Variants in MALRD1 observed in about 807,000 individuals in gnomAD.
MALRD1 encodes the protein MAM and LDL receptor class A domain containing 1.
Under a neutral mutation model 242.1 loss-of-function variants are expected in MALRD1, and 247 were observed. That is an observed-to-expected ratio of 1.02 (90% CI 0.92 to 1.13). MALRD1 has a LOEUF of 1.13. MALRD1 is among the 50% of genes most tolerant of loss of function. The pLI is 0.00. For synonymous variants in MALRD1, 995 were observed against 866.6 expected (o/e 1.15, Z -2.60); for missense variants, 2,989 against 2,533.1 (o/e 1.18, Z -3.86).
At chr10:19,211,327 T>A (rs1450916052) in intron 18 of MALRD1, among the ~76,000 whole-genome samples, 1 of 151,904 alleles carries the variant, frequency 6.6e-6, no homozygotes, top group East Asian at 1.9e-4. Flanking sequence ...TCTAAAAAAA[T>A]AATAATAATA....
intron 36 of MALRD1, among the ~76,000 whole-genome samples, chr10:19,625,340 C>T (rs1388663737): frequency 3.3e-5 from 5 of 151,866 alleles, no homozygotes; most frequent in Admixed American, 3.3e-4. Context: ...ACACACTGTG[C>T]AGTTTTGTTC....
chr10:19,094,667 C>T (rs1835955071), intron 4 of MALRD1, among the ~76,000 whole-genome samples: 2 of 152,162 alleles, frequency 1.3e-5, no homozygotes, highest in Admixed American at 6.5e-5. Context: ...TTTTCTCATG[C>T]TTTTGAGAAA....
chr10:19,240,671 A>T (rs555737954), intron 18 of MALRD1, among the ~76,000 whole-genome samples: 1 of 152,032 alleles, frequency 6.6e-6, no homozygotes. Flanking sequence ...GCATTTAACT[A>T]TTCACCATAA....
chr10:19,578,175 T>G (rs1003789157), intron 33 of MALRD1, among the ~76,000 whole-genome samples: 1 of 152,062 alleles, frequency 6.6e-6, no homozygotes, highest in Admixed American at 6.5e-5. Flanking sequence ...AACAAGAGAC[T>G]TTCCCAGAAT....
Position 19,352,111 on chromosome 10 carries a change from C to T in MALRD1, c.4255C>T (p.Gln1419Ter). Residue 1419 changes from glutamine (Q) to a stop codon, truncating the protein, a stop_gained, in exon 26 of 40, where the codon CAA becomes TAA. Coordinates refer to ENST00000454679, the MANE Select transcript of MALRD1 (RefSeq NM_001142308.3). LOFTEE classifies it high-confidence loss of function. ...TKVLLNLTVE[Q>*]GNFWRREELS... ...GGTTCTACTTAACCTCACTGTAGAA[C>T]AAGGCAATTTCTGGCGGAGAGAAGA... 6.4e-7 allele frequency: 1 copy of T among 1,550,520 alleles called. No homozygotes were observed. The highest frequency in any genetic ancestry group is 8.7e-7 in the Non-Finnish European group (1 of 1,146,926).
At chr10:19,632,166 AGAC>A (rs1446316758) in intron 36 of MALRD1, among the ~76,000 whole-genome samples, 1 of 152,228 alleles carries the variant, frequency 6.6e-6, no homozygotes, top group East Asian at 1.9e-4. Context: ...GACAAGGAGT[AGAC>A]CTTGGTTAAC....
rs149880069 is a variant in MALRD1 at position 19,685,891 on chromosome 10, C to A, written c.6138-6391C>A. Among the ~76,000 whole-genome samples, 205 of 152,186 alleles carry A rather than the reference C, an allele frequency of 1.3e-3. 1 individual carries two copies. Among genetic ancestry groups the A allele is most frequent in the Non-Finnish European group, 2.0e-3 (135 of 68,008 alleles). Reference sequence around the variant, plus strand: ...GAACCAATCTCATGGATTAGCAATGCCGTGCGGTGATAGGTGTGGTTCTGA... The same window carrying A: ...GAACCAATCTCATGGATTAGCAATGACGTGCGGTGATAGGTGTGGTTCTGA... On this transcript the variant is annotated intron_variant, in intron 36 of 39. Transcript: ENST00000454679.
At chr10:19,175,463 A>AAT (rs376874358) in intron 14 of MALRD1, 135 bp downstream of exon 14, 4,244 of 201,146 alleles carry the variant, frequency 0.021, 96 homozygotes, top group African/African-American at 0.052. Flanking sequence ...TGAAACCTAA[A>AAT]ATATATATAT....
At chr10:19,230,252 A>G (rs772410732) in intron 18 of MALRD1, among the ~76,000 whole-genome samples, 6 of 152,168 alleles carry the variant, frequency 3.9e-5, no homozygotes, top group African/African-American at 1.4e-4. Context: ...TACACTGTCC[A>G]TGAATGATAC....
chr10:19,278,116 C>G (rs1840626614), intron 19 of MALRD1, among the ~76,000 whole-genome samples: 2 of 152,098 alleles, frequency 1.3e-5, no homozygotes, highest in South Asian at 4.1e-4. Flanking sequence ...CTCTCCAGTT[C>G]CATATCTAAT....
At chr10:19,253,439 G>A (rs772456626) in intron 18 of MALRD1, among the ~76,000 whole-genome samples, 3 of 151,792 alleles carry the variant, frequency 2.0e-5, no homozygotes, top group Non-Finnish European at 4.4e-5. Context: ...ATCCTGTTTA[G>A]GTGAGCAGTT....
intron 27 of MALRD1, among the ~76,000 whole-genome samples, chr10:19,388,884 A>G (rs1288930166): frequency 8.0e-5 from 12 of 150,736 alleles, no homozygotes; most frequent in Admixed American, 7.9e-4. Flanking sequence ...GTCTACTGAA[A>G]AAAAAAAAAA....
At chr10:19,356,694 GA>G (rs1278720567) in intron 26 of MALRD1, among the ~76,000 whole-genome samples, 3 of 152,082 alleles carry the variant, frequency 2.0e-5, no homozygotes, top group Non-Finnish European at 4.4e-5. Context: ...GACAGCAAAG[GA>G]GATAAAATCA....
chr10:19,344,098 G>A (rs1328736525), intron 24 of MALRD1, among the ~76,000 whole-genome samples: 2 of 151,988 alleles, frequency 1.3e-5, no homozygotes, highest in Non-Finnish European at 2.9e-5. Context: ...TTTCTCCCCG[G>A]CTTTGGGTTG....
intron 24 of MALRD1, among the ~76,000 whole-genome samples, chr10:19,333,306 C>T (rs988226626): frequency 1.3e-5 from 2 of 152,070 alleles, no homozygotes; most frequent in Non-Finnish European, 2.9e-5. Flanking sequence ...TCCTTCTCTT[C>T]ACTCTAGTAG....
chr10:19,133,720 C>G (rs962608956), intron 8 of MALRD1, 136 bp from the exon 9 acceptor site: 1 of 402,790 alleles, frequency 2.5e-6, no homozygotes, highest in African/African-American at 2.1e-5. Flanking sequence ...ATTTTACTAC[C>G]AAGACTTTAG....
chr10:19,181,589 T>C (rs1835507209), intron 14 of MALRD1, among the ~76,000 whole-genome samples: 1 of 152,074 alleles, frequency 6.6e-6, no homozygotes, highest in African/African-American at 2.4e-5. Context: ...GAGGATACGA[T>C]GTAACAGATA....
At chr10:19,183,836 C>G (rs1306973005) in intron 14 of MALRD1, among the ~76,000 whole-genome samples, 1 of 152,120 alleles carries the variant, frequency 6.6e-6, no homozygotes, top group African/African-American at 2.4e-5. Context: ...TCAAATGTTT[C>G]CATACTTATT....
intron 29 of MALRD1, among the ~76,000 whole-genome samples, chr10:19,474,346 C>T (rs928666150): frequency 6.6e-6 from 1 of 152,032 alleles, no homozygotes; most frequent in East Asian, 1.9e-4. Flanking sequence ...TAAATTTATC[C>T]TATTTCCAAT....
Sources: gnomAD v4.1 joint callset for allele counts (sites outside exome capture counted in the v4.1 genomes callset) on GRCh38, gnomAD v4.1.1 for gene constraint, MANE v1.5 for transcripts, NCBI Gene and HGNC (gene_info 2026-07-23, HGNC 2026-07-21) for gene names.